Variants in BCLAF3 observed in about 807,000 individuals in gnomAD.
The protein encoded by BCLAF3 is BCLAF1 and THRAP3 family member 3.
BCLAF3 carries 24 observed loss-of-function variants against 51.2 expected under a neutral mutation model. That is an observed-to-expected ratio of 0.47 (90% CI 0.34 to 0.66). BCLAF3 has a LOEUF of 0.66. Among genes scored for constraint, BCLAF3 ranks in the 30% least tolerant of loss-of-function variants. The pLI is 0.01. For synonymous variants in BCLAF3, 152 were observed against 176.6 expected, an observed-to-expected ratio of 0.86 and a Z score of 1.10; for missense variants, 465 against 525.1, an observed-to-expected ratio of 0.89 and a Z score of 1.12.
chrX:19,932,775 G>A (rs2070616300), intron 10 of BCLAF3, among the ~76,000 whole-genome samples: 1 of 110,865 alleles, frequency 9.0e-6, no homozygotes, highest in Non-Finnish European at 1.9e-5. Context: ...CAAGTGATCT[G>A]CCCGCCTCAG....
intron 10 of BCLAF3, among the ~76,000 whole-genome samples, chrX:19,934,639 C>T (rs1420904167): frequency 8.9e-6 from 1 of 111,833 alleles, no homozygotes; most frequent in Non-Finnish European, 1.9e-5. Context: ...TAATAGATCA[C>T]TCAATTAACC....
At chrX:19,926,453 A>G (rs1037793325) in intron 11 of BCLAF3, among the ~76,000 whole-genome samples, 19 of 111,342 alleles carry the variant, frequency 1.7e-4, no homozygotes, top group African/African-American at 6.2e-4. Context: ...TGAGCAATGT[A>G]GTCTGGAAGA....
At chrX:19,946,272 T>C (rs1603311145) in intron 8 of BCLAF3, among the ~76,000 whole-genome samples, 1 of 112,490 alleles carries the variant, frequency 8.9e-6, no homozygotes, top group African/African-American at 3.2e-5. Context: ...CCGGGGCTGT[T>C]CCCATTCGGC....
intron 11 of BCLAF3, among the ~76,000 whole-genome samples, chrX:19,928,616 A>T (rs2070440354): frequency 9.0e-6 from 1 of 111,648 alleles, no homozygotes; most frequent in Non-Finnish European, 1.9e-5. Context: ...TTTAAAAAAG[A>T]GTTATTAACA....
At chrX:19,970,172 GA>G (rs1268361702) in intron 2 of BCLAF3, 51 bp downstream of exon 2, 2 of 1,074,954 alleles carry the variant, frequency 1.9e-6, no homozygotes, top group Non-Finnish European at 2.6e-6. Context: ...TGGTGAAATT[GA>G]AAGTCACAGC....
At chrX:19,959,785 A>G (rs1852733204) in intron 4 of BCLAF3, among the ~76,000 whole-genome samples, 1 of 109,487 alleles carries the variant, frequency 9.1e-6, no homozygotes, top group South Asian at 4.0e-4. Context: ...GAGAGAGAGA[A>G]AAGACTTCAA....
chrX:19,950,825 A>G lies in BCLAF3; in HGVS notation c.1673T>C (p.Ile558Thr). ...TAACCGTTCTTTTCGCCTTCTTTCA[A>G]TGTCATGTCGTAGGTCATTTGGATC... is the stretch of plus-strand genomic sequence containing the variant. Reference protein sequence around the residue: ...IIDPNDLRHDIERRRKERLQN... With the variant: ...IIDPNDLRHDTERRRKERLQN... Residue 558 changes from isoleucine to threonine, a missense_variant, in exon 8 of 12, where the codon ATT (isoleucine) becomes ACT (threonine). Physicochemically the swap from Ile to Thr is moderately conservative, Grantham distance 89. Coordinates refer to ENST00000379682, the MANE Select transcript of BCLAF3 (RefSeq NM_001367774.2). 7 of 1,210,635 alleles carry G rather than the reference A, an allele frequency of 5.8e-6. No individual in the cohort carries two copies. The highest frequency in any genetic ancestry group is 7.8e-6 in the Non-Finnish European group (7 of 894,657).
At chrX:19,973,934 T>C (rs1005927773) in intron 1 of BCLAF3, among the ~76,000 whole-genome samples, 5 of 111,696 alleles carry the variant, frequency 4.5e-5, no homozygotes, top group African/African-American at 1.6e-4. Flanking sequence ...GCCAAAAATG[T>C]TTAAGTTGCA....
At chrX:19,974,513 T>C (rs1433163274) in intron 1 of BCLAF3, among the ~76,000 whole-genome samples, 1 of 111,958 alleles carries the variant, frequency 8.9e-6, no homozygotes, top group Non-Finnish European at 1.9e-5. Flanking sequence ...ACAAGCGACA[T>C]TTATTGCATG....
Position 19,955,471 on chromosome X carries a change from A to T in BCLAF3, c.1370T>A (p.Leu457His). Residue 457 changes from leucine (L) to histidine (H), a missense_variant, in exon 5 of 12, where the codon CTT becomes CAT. Physicochemically the swap from Leu to His is moderately conservative, Grantham distance 99. Coordinates refer to ENST00000379682, the MANE Select transcript of BCLAF3 (RefSeq NM_001367774.2). ...GTTTTCAGTATTCTGAGTTGAGTCA[A>T]GATGTTCAAACACTGGATGAAAGTT... ...SENFHPVFEH[L>H]DSTQNTENKP... 1 of 1,204,855 alleles carries T rather than the reference A, an allele frequency of 8.3e-7. No homozygotes were observed. Among genetic ancestry groups the T allele is most frequent in the Non-Finnish European group, 1.1e-6 (1 of 892,098 alleles).
At chrX:19,975,256 G>A (rs2072386741) in intron 1 of BCLAF3, among the ~76,000 whole-genome samples, 1 of 107,339 alleles carries the variant, frequency 9.3e-6, no homozygotes, top group Admixed American at 9.8e-5. Flanking sequence ...AAAAAAAAAA[G>A]AAGAAGAATA....
intron 1 of BCLAF3, among the ~76,000 whole-genome samples, chrX:19,985,752 G>A (rs1349719375): frequency 2.7e-5 from 3 of 111,151 alleles, no homozygotes; most frequent in African/African-American, 3.3e-5. Context: ...AGGCCAGCCC[G>A]GGCAACATGG....
chrX:19,937,309 T>C (rs1289694818), intron 9 of BCLAF3, 109 bp downstream of exon 9: 3 of 514,624 alleles, frequency 5.8e-6, no homozygotes, highest in East Asian at 7.3e-5. Context: ...TTATAACATA[T>C]ACTTAATGAA....
At chrX:19,960,345 C>T in intron 4 of BCLAF3, among the ~76,000 whole-genome samples, 1 of 110,244 alleles carries the variant, frequency 9.1e-6, no homozygotes, top group Non-Finnish European at 1.9e-5. Flanking sequence ...AATTTGGTCC[C>T]AAAAGGTTAC....
intron 4 of BCLAF3, among the ~76,000 whole-genome samples, chrX:19,958,908 C>T: frequency 8.9e-6 from 1 of 112,489 alleles, no homozygotes; most frequent in Non-Finnish European, 1.9e-5. Context: ...CCTAATTCCT[C>T]ACTTTTTGCA....
At chrX:19,950,242 C>T (rs1377045371) in intron 8 of BCLAF3, among the ~76,000 whole-genome samples, 1 of 111,885 alleles carries the variant, frequency 8.9e-6, no homozygotes, top group Non-Finnish European at 1.9e-5. Context: ...TTTTCTACTA[C>T]ACCTGCCTCA....
chrX:19,977,368 T>C (rs1296286220), intron 1 of BCLAF3, among the ~76,000 whole-genome samples: 5 of 112,332 alleles, frequency 4.5e-5, no homozygotes, highest in African/African-American at 6.5e-5. Context: ...GGAAATTAAA[T>C]GTGTTACTTC....
At chrX:19,983,605 C>T (rs1416030140) in intron 1 of BCLAF3, among the ~76,000 whole-genome samples, 2 of 110,619 alleles carry the variant, frequency 1.8e-5, no homozygotes, top group Non-Finnish European at 3.8e-5. Flanking sequence ...GTCCCAGCTA[C>T]TCAGGAGGCT....
rs752582553 is a variant in BCLAF3 at position 19,966,696 on chromosome X, C to T, written c.42-47G>A. 1.9e-5 allele frequency: 21 copies of T among 1,092,253 alleles called. No individual in the cohort carries two copies. In the South Asian group the frequency reaches 3.5e-4, roughly 18 times the overall value. 90.0% of individuals were successfully genotyped at this position (1,092,253 alleles called of 1,213,427 possible). On this transcript the variant is annotated intron_variant, in intron 2 of 11. Transcript: ENST00000379682. ...AGTGTAAACCATTTAATCAACTAAG[C>T]GTGTCTCAATATGACCTACCAAAAA...
Sources: allele counts gnomAD v4.1 joint callset (sites outside exome capture counted in the v4.1 genomes callset), GRCh38; gene constraint gnomAD v4.1.1; transcripts MANE v1.5; gene names NCBI Gene and HGNC (gene_info 2026-07-23, HGNC 2026-07-21).